Variants in C1orf94 observed in about 807,000 individuals in gnomAD.
C1orf94 encodes the protein uncharacterized protein C1orf94.
C1orf94 carries 45 observed loss-of-function variants against 53.6 expected under a neutral mutation model. The ratio of observed to expected loss-of-function variants is 0.84; its 90% CI spans 0.66 to 1.08. The LOEUF is 1.08. C1orf94 is among the 50% of genes least tolerant of loss of function. The pLI is 0.00. For synonymous variants in C1orf94, 304 were observed against 296.1 expected, an observed-to-expected ratio of 1.03 and a Z score of -0.27; for missense variants, 762 against 738.9, an observed-to-expected ratio of 1.03 and a Z score of -0.36.
intron 1 of C1orf94, among the ~76,000 whole-genome samples, chr1:34,179,028 T>A (rs550908661): frequency 6.6e-6 from 1 of 152,246 alleles, no homozygotes; most frequent in African/African-American, 2.4e-5. Flanking sequence ...CTCCAACACA[T>A]GCTACAGCTC....
intron 5 of C1orf94, among the ~76,000 whole-genome samples, chr1:34,210,164 C>T (rs983928609): frequency 3.9e-5 from 6 of 152,146 alleles, no homozygotes. Flanking sequence ...CTAGGACCTG[C>T]CTCCTCCACT....
chr1:34,183,167 G>C (rs994550874), intron 1 of C1orf94, among the ~76,000 whole-genome samples: 2 of 152,238 alleles, frequency 1.3e-5, no homozygotes, highest in African/African-American at 4.8e-5. Context: ...GGAGCAATGG[G>C]TTTTGGGGGA....
intron 6 of C1orf94, among the ~76,000 whole-genome samples, chr1:34,216,539 G>A (rs1296635131): frequency 6.6e-6 from 1 of 152,112 alleles, no homozygotes; most frequent in South Asian, 2.1e-4. Context: ...TGGCTGGGGA[G>A]TATGCATGGG....
intron 1 of C1orf94, among the ~76,000 whole-genome samples, chr1:34,191,174 G>A (rs1450601569): frequency 6.6e-6 from 1 of 152,186 alleles, no homozygotes; most frequent in East Asian, 1.9e-4. Flanking sequence ...AACTACCAAA[G>A]AGTATGGATA....
intron 1 of C1orf94, among the ~76,000 whole-genome samples, chr1:34,171,031 A>G (rs1045385039): frequency 1.1e-4 from 16 of 152,162 alleles, no homozygotes; most frequent in African/African-American, 3.1e-4. Flanking sequence ...GCCACCAGCT[A>G]TCTTTTTAAA....
chr1:34,218,744 A>G lies in C1orf94; in HGVS notation c.1780A>G (p.Asn594Asp), dbSNP rs532172304. Reference protein sequence around the residue: ...MHSPYFSSSGNGINF With the variant: ...MHSPYFSSSGDGINF ...CAGCCCCTATTTTTCTTCCAGTGGGAATGGCATAAACTTTTAGATCTCCTC... is the reference window on the plus strand; with the variant it reads ...CAGCCCCTATTTTTCTTCCAGTGGGGATGGCATAAACTTTTAGATCTCCTC... The change falls in exon 7 of 7, where the codon AAT (asparagine) becomes GAT (aspartate). Residue 594 changes from asparagine (N) to aspartate (D), a missense_variant. Physicochemically the swap from Asn to Asp is conservative, Grantham distance 23 (BLOSUM62 1). Transcript: ENST00000488417. 5.4e-5 allele frequency: 87 copies of G among 1,612,558 alleles called. 2 individuals are homozygous for G. The South Asian group carries it at 7.7e-4, about 14-fold the overall frequency.
intron 3 of C1orf94, among the ~76,000 whole-genome samples, chr1:34,201,420 AG>A (rs1642705493): frequency 6.6e-6 from 1 of 152,180 alleles, no homozygotes; most frequent in Non-Finnish European, 1.5e-5. Context: ...TTTTCCCAAA[AG>A]GATGCCAATA....
chr1:34,190,044 C>T (rs1423535212), intron 1 of C1orf94, among the ~76,000 whole-genome samples: 1 of 152,210 alleles, frequency 6.6e-6, no homozygotes, highest in Non-Finnish European at 1.5e-5. Context: ...TCCACCCCAA[C>T]ACTTATTCTC....
At chr1:34,209,552 C>T (rs1642856977) in intron 5 of C1orf94, among the ~76,000 whole-genome samples, 2 of 152,194 alleles carry the variant, frequency 1.3e-5, no homozygotes, top group South Asian at 4.1e-4. Context: ...GACACCCCCA[C>T]ACTCCAACTC....
chr1:34,180,603 G>T (rs572775535), intron 1 of C1orf94, among the ~76,000 whole-genome samples: 1 of 152,194 alleles, frequency 6.6e-6, no homozygotes, highest in Non-Finnish European at 1.5e-5. Context: ...CAATAATGTC[G>T]GCTGTCCTGT....
At chr1:34,174,631 T>C (rs1217157557), upstream of C1orf94, among the ~76,000 whole-genome samples, 4 of 152,098 alleles carry the variant, frequency 2.6e-5, no homozygotes, top group East Asian at 1.9e-4. Context: ...TGTGAGGACA[T>C]AGGGAGAACA....
intron 1 of C1orf94, among the ~76,000 whole-genome samples, chr1:34,168,227 A>G (rs554064444): frequency 1.1e-4 from 17 of 152,292 alleles, no homozygotes; most frequent in Admixed American, 3.3e-4. Flanking sequence ...GCAGTGAGCC[A>G]TGATCACACC....
chr1:34,206,832 C>G (rs915365925), intron 4 of C1orf94, among the ~76,000 whole-genome samples: 1 of 152,054 alleles, frequency 6.6e-6, no homozygotes, highest in South Asian at 2.1e-4. Context: ...TAAAGGGGAG[C>G]AGGTGAGTGG....
At chr1:34,167,344 T>G (rs1324721906) in intron 1 of C1orf94, among the ~76,000 whole-genome samples, 2 of 151,622 alleles carry the variant, frequency 1.3e-5, no homozygotes, top group African/African-American at 4.8e-5. Flanking sequence ...CAGAAGAGAG[T>G]CTGGGCTGCT....
intron 1 of C1orf94, among the ~76,000 whole-genome samples, chr1:34,181,340 A>G (rs1571336036): frequency 6.6e-6 from 1 of 152,336 alleles, no homozygotes; most frequent in Middle Eastern, 3.4e-3. Flanking sequence ...AAAGCCAAGT[A>G]CAATAATCCA....
At chr1:34,179,093 G>A (rs906842880) in intron 1 of C1orf94, among the ~76,000 whole-genome samples, 1 of 152,228 alleles carries the variant, frequency 6.6e-6, no homozygotes, top group Admixed American at 6.5e-5. Flanking sequence ...CAGCTGCCTC[G>A]GGTTTCAGGG....
intron 6 of C1orf94, among the ~76,000 whole-genome samples, chr1:34,215,246 G>A (rs1289541567): frequency 6.6e-6 from 1 of 152,214 alleles, no homozygotes; most frequent in Non-Finnish European, 1.5e-5. Flanking sequence ...CAAGGGCTCT[G>A]AGGTGGGAAC....
At chr1:34,176,745 G>T (rs1178259900), upstream of C1orf94, among the ~76,000 whole-genome samples, 1 of 152,180 alleles carries the variant, frequency 6.6e-6, no homozygotes, top group African/African-American at 2.4e-5. Flanking sequence ...CGAGGTTGCC[G>T]GGGGACCCCC....
chr1:34,199,922 T>C (rs1378265731), intron 2 of C1orf94, among the ~76,000 whole-genome samples: 3 of 152,206 alleles, frequency 2.0e-5, no homozygotes, highest in African/African-American at 7.2e-5. Flanking sequence ...CCTACTTCCT[T>C]CTGGAAGGAA....
Sources: allele counts gnomAD v4.1 joint callset (sites outside exome capture counted in the v4.1 genomes callset), GRCh38; gene constraint gnomAD v4.1.1; transcripts MANE v1.5; gene names NCBI Gene and HGNC (gene_info 2026-07-23, HGNC 2026-07-21).